The following TMEM51 variants were observed in gnomAD, a reference collection of about 807,000 sequenced individuals.
The protein encoded by TMEM51 is chromosome 1 open reading frame 72.
A neutral mutation model predicts 13.6 loss-of-function variants in TMEM51; 8 were observed. The observed-to-expected ratio is 0.59, with a 90% CI of 0.35 to 1.07. The LOEUF is 1.07. TMEM51 is among the 50% of genes least tolerant of loss of function. The probability of loss-of-function intolerance (pLI) is 0.02; values close to 1 mark genes in which losing one functional copy is unlikely to be tolerated. For synonymous variants in TMEM51, 147 were observed against 144.4 expected, an observed-to-expected ratio of 1.02 and a Z score of -0.13; for missense variants, 279 against 330.7, an observed-to-expected ratio of 0.84 and a Z score of 1.21.
chr1:15,212,416 G>A (rs891052803), intron 2 of TMEM51, among the ~76,000 whole-genome samples: 6 of 152,200 alleles, frequency 3.9e-5, no homozygotes, highest in African/African-American at 1.4e-4. Flanking sequence ...AATGGAGAAC[G>A]AATGAGGGCA....
chr1:15,179,825 A>G (rs1643560200), intron 1 of TMEM51, among the ~76,000 whole-genome samples: 1 of 152,180 alleles, frequency 6.6e-6, no homozygotes, highest in Non-Finnish European at 1.5e-5. Context: ...ATATAAGCAA[A>G]ACTAACCGCT....
At chr1:15,173,066 G>C (rs1393207503) in intron 1 of TMEM51, among the ~76,000 whole-genome samples, 1 of 152,142 alleles carries the variant, frequency 6.6e-6, no homozygotes, top group African/African-American at 2.4e-5. Flanking sequence ...AACCGAATGA[G>C]GCCATGTGTA....
chr1:15,194,475 C>A (rs1302466633), intron 1 of TMEM51, among the ~76,000 whole-genome samples: 1 of 152,174 alleles, frequency 6.6e-6, no homozygotes, highest in Non-Finnish European at 1.5e-5. Context: ...ACTGCACTGG[C>A]CATAGCAGTG....
intron 2 of TMEM51, among the ~76,000 whole-genome samples, chr1:15,213,868 G>A (rs1644380976): frequency 6.6e-6 from 1 of 151,934 alleles, no homozygotes; most frequent in Non-Finnish European, 1.5e-5. Context: ...TCGAGACAGA[G>A]TCTTGCTCTG....
intron 1 of TMEM51, among the ~76,000 whole-genome samples, chr1:15,159,928 G>C (rs1226656200): frequency 6.6e-6 from 1 of 152,130 alleles, no homozygotes; most frequent in African/African-American, 2.4e-5. Context: ...ATAAGCCCAG[G>C]GTCACCAAAT....
Position 15,219,241 on chromosome 1 carries a change from T to C in TMEM51, c.345-85T>C, listed in dbSNP as rs539509624. On this transcript the variant is annotated intron_variant, in intron 3 of 3. Transcript: ENST00000376008. ...TTGTTATTTACAAGGCTGCTGTGTG[T>C]GGACTCTTTGGAGCCCATCCCTTTG... is the stretch of plus-strand genomic sequence containing the variant. 3.9e-4 allele frequency: 547 copies of C among 1,417,354 alleles called. No homozygotes were observed. In the African/African-American group the frequency reaches 7.3e-3, roughly 19 times the overall value. The allele number at this position is 1,417,354 out of a possible 1,614,324, so 87.8% of individuals were successfully genotyped here. A position where few individuals can be genotyped will look rare whatever the true frequency, so the allele number is the denominator to read the frequency against.
chr1:15,196,386 G>A (rs1573427337), intron 1 of TMEM51, among the ~76,000 whole-genome samples: 1 of 44,846 alleles, frequency 2.2e-5, no homozygotes, highest in African/African-American at 8.7e-5. Context: ...GGCTGTGTGT[G>A]TGTGTGCATG....
intron 1 of TMEM51, chr1:15,192,400 C>T: frequency 2.4e-6 from 1 of 409,510 alleles, no homozygotes. Flanking sequence ...GGAATCCTTG[C>T]TCCAGGTCAG....
intron 1 of TMEM51, among the ~76,000 whole-genome samples, chr1:15,204,422 C>T (rs567501563): frequency 3.3e-5 from 5 of 152,328 alleles, no homozygotes; most frequent in East Asian, 1.9e-4. Flanking sequence ...GGTGTGGTGG[C>T]GCACGCCTGT....
chr1:15,167,465 C>T (rs1246923987), intron 1 of TMEM51, among the ~76,000 whole-genome samples: 2 of 150,718 alleles, frequency 1.3e-5, no homozygotes, highest in Non-Finnish European at 2.9e-5. Flanking sequence ...ATTGTGTCTA[C>T]TTTTTGGTGA....
intron 1 of TMEM51, among the ~76,000 whole-genome samples, chr1:15,166,091 A>G (rs1642988841): frequency 6.6e-6 from 1 of 152,178 alleles, no homozygotes; most frequent in Non-Finnish European, 1.5e-5. Context: ...GGGGGTTTCG[A>G]TATTCTTTCT....
At chr1:15,172,744 A>G (rs776837562) in intron 1 of TMEM51, among the ~76,000 whole-genome samples, 1 of 152,214 alleles carries the variant, frequency 6.6e-6, no homozygotes, top group Non-Finnish European at 1.5e-5. Context: ...TTCCGGAAAG[A>G]TATGATTCAT....
At chr1:15,184,783 A>C (rs74936706) in intron 1 of TMEM51, among the ~76,000 whole-genome samples, 1,918 of 152,078 alleles carry the variant, frequency 0.013, 43 homozygotes, top group African/African-American at 0.044. Context: ...AATAGTATAG[A>C]GTATAGAGCT....
At chr1:15,160,464 G>A (rs1332485814) in intron 1 of TMEM51, among the ~76,000 whole-genome samples, 214 of 151,102 alleles carry the variant, frequency 1.4e-3, no homozygotes, top group African/African-American at 4.7e-3. Flanking sequence ...AATAGAGATA[G>A]GGTTTCACCA....
Position 15,188,346 on chromosome 1 carries a change from CCCCACCCCCTGGGACACAGA to C in TMEM51, c.-266-22143_-266-22124del, listed in dbSNP as rs1352088319. 6.6e-5 allele frequency among the ~76,000 whole-genome samples: 10 copies of C among 152,208 alleles called. No homozygotes were observed. The South Asian group carries it at 8.3e-4, about 13-fold the overall frequency. On this transcript the variant is annotated intron_variant, in intron 1 of 3. Transcript: ENST00000376008. ...CTCACTGGTGCTGACTGGGCCACAGCCCCACCCCCTGGGACACAGAAGAACTGATTGGCTAGGCCTGACCA... is the reference window on the plus strand; with the variant it reads ...CTCACTGGTGCTGACTGGGCCACAGCAGAACTGATTGGCTAGGCCTGACCA...
Position 15,186,815 on chromosome 1 carries a change from G to GT in TMEM51, c.-266-23675_-266-23674insT, listed in dbSNP as rs5772621. On this transcript the variant is annotated intron_variant, in intron 1 of 3. Transcript: ENST00000376008. ...AGAGCAGTGGAGAGAGGGCAGGCCA[G>GT]GGGGCAGGGAGACCACAGGGGAGGC... Among the ~76,000 whole-genome samples, 28 of 151,896 alleles carry GT rather than the reference G, an allele frequency of 1.8e-4. 1 individual carries two copies. The highest frequency in any genetic ancestry group is 1.8e-3 in the Admixed American group (27 of 15,286).
At chr1:15,155,186 G>A (rs1484081444) in intron 1 of TMEM51, among the ~76,000 whole-genome samples, 1 of 152,218 alleles carries the variant, frequency 6.6e-6, no homozygotes, top group African/African-American at 2.4e-5. Flanking sequence ...AAAGAGAGAG[G>A]AGGCTAGTGG....
chr1:15,191,877 C>T (rs973237595), intron 1 of TMEM51: 9 of 522,020 alleles, frequency 1.7e-5, no homozygotes, highest in Non-Finnish European at 2.7e-5. Context: ...AATTGACTTA[C>T]GTGACCATTT....
At chr1:15,208,620 T>A (rs6429726) in intron 1 of TMEM51, among the ~76,000 whole-genome samples, 138,797 of 152,146 alleles carry the variant, frequency 0.91, 63,511 homozygotes, top group African/African-American at 0.97. Flanking sequence ...AATAATTTTT[T>A]AAAAAATTTT....
Sources: gnomAD v4.1 joint callset for allele counts (sites outside exome capture counted in the v4.1 genomes callset) on GRCh38, gnomAD v4.1.1 for gene constraint, MANE v1.5 for transcripts, NCBI Gene and HGNC (gene_info 2026-07-23, HGNC 2026-07-21) for gene names.